The following GRM3 variants were observed in gnomAD, a reference collection of about 807,000 sequenced individuals.
The protein encoded by GRM3 is glutamate metabotropic receptor 3.
Under a neutral mutation model 70.5 loss-of-function variants are expected in GRM3, and 26 were observed. That is an observed-to-expected ratio of 0.37 (90% CI 0.27 to 0.51). The LOEUF (loss-of-function observed/expected upper bound fraction) is 0.51, where lower values mean the gene tolerates loss of function less well. GRM3 is among the 20% of genes least tolerant of loss of function. The pLI, the probability that GRM3 is intolerant of heterozygous loss-of-function variation, is 0.93. For missense variants in GRM3, 859 were observed against 1,123.8 expected (o/e 0.76, Z 3.37); for synonymous variants, 443 against 434.9 (o/e 1.02, Z -0.23).
intron 3 of GRM3, among the ~76,000 whole-genome samples, chr7:86,832,762 T>C (rs1584270442): frequency 6.6e-6 from 1 of 152,144 alleles, no homozygotes; most frequent in East Asian, 1.9e-4. Flanking sequence ...CTCTACCAAA[T>C]GATTCCTAGG....
At chr7:86,690,192 G>T (rs1056466778) in intron 1 of GRM3, among the ~76,000 whole-genome samples, 3 of 152,136 alleles carry the variant, frequency 2.0e-5, no homozygotes, top group Admixed American at 6.6e-5. Flanking sequence ...CAAGTAGAGG[G>T]ATCAGGCCTG....
intron 1 of GRM3, among the ~76,000 whole-genome samples, chr7:86,646,016 T>A (rs1045281767): frequency 1.2e-3 from 12 of 9,892 alleles, no homozygotes; most frequent in South Asian, 4.8e-3. Flanking sequence ...TGGGGGGGGG[T>A]GGGAGGGAGT....
intron 4 of GRM3, among the ~76,000 whole-genome samples, chr7:86,846,923 G>A (rs1225951741): frequency 6.6e-6 from 1 of 152,132 alleles, no homozygotes. Context: ...CAACAAGTTA[G>A]CCTACCACAG....
At chr7:86,757,777 G>A (rs1796383183) in intron 1 of GRM3, among the ~76,000 whole-genome samples, 1 of 151,034 alleles carries the variant, frequency 6.6e-6, no homozygotes, top group Non-Finnish European at 1.5e-5. Context: ...TCCCTCATGT[G>A]TTTTTTTTTC....
intron 1 of GRM3, among the ~76,000 whole-genome samples, chr7:86,736,404 A>G (rs1293831811): frequency 6.6e-6 from 1 of 152,240 alleles, no homozygotes; most frequent in African/African-American, 2.4e-5. Context: ...ACATTTCTCT[A>G]TTGGTTTGTA....
rs1195050608 is a variant in GRM3, at chr7:86,646,031, G to C, written c.-141+1159G>C. 1.1e-4 allele frequency among the ~76,000 whole-genome samples: 16 copies of C among 141,348 alleles called. 1 individual carries two copies. The East Asian group carries it at 3.1e-3, about 28-fold the overall frequency. 92.7% of individuals were successfully genotyped at this position (141,348 alleles called of 152,430 possible). ...TGGGGGGGGGTGGGAGGGAGTTTAG[G>C]GGGTGGAGTCTGCTTTGGTTTATCT... On this transcript the variant is annotated intron_variant, in intron 1 of 5. Transcript: ENST00000361669.
intron 3 of GRM3, among the ~76,000 whole-genome samples, chr7:86,817,219 AC>A (rs1443639279): frequency 2.0e-5 from 3 of 151,926 alleles, no homozygotes; most frequent in African/African-American, 7.2e-5. Flanking sequence ...TCTCCAAGAA[AC>A]CTTAAATGCT....
intron 5 of GRM3, among the ~76,000 whole-genome samples, chr7:86,858,140 T>G (rs1467318328): frequency 1.3e-5 from 2 of 151,796 alleles, no homozygotes; most frequent in Non-Finnish European, 2.9e-5. Flanking sequence ...GTATTTTTAG[T>G]AGAGACGAGG....
chr7:86,795,258 A>T (rs552565262), intron 3 of GRM3, among the ~76,000 whole-genome samples: 12 of 110,154 alleles, frequency 1.1e-4, no homozygotes, highest in Non-Finnish European at 1.9e-4. Flanking sequence ...GTTAGTTTTT[A>T]TTTTATTTTA....
intron 5 of GRM3, among the ~76,000 whole-genome samples, chr7:86,855,497 C>T (rs1298819937): frequency 6.6e-6 from 1 of 152,058 alleles, no homozygotes; most frequent in Non-Finnish European, 1.5e-5. Context: ...CTTCGACTAC[C>T]CAATGATGCC....
At chr7:86,857,066 C>CAG (rs951418772) in intron 5 of GRM3, among the ~76,000 whole-genome samples, 1 of 151,810 alleles carries the variant, frequency 6.6e-6, no homozygotes, top group African/African-American at 2.4e-5. Flanking sequence ...CGCCTCAGCT[C>CAG]AGTTACAAAA....
rs1207404872 is a variant in GRM3, at chr7:86,793,182, C to T, written c.1324+6066C>T. Among the ~76,000 whole-genome samples the T allele has an allele frequency of 2.0e-5, 3 of 152,076 alleles. 1 individual carries two copies. The highest frequency in any genetic ancestry group is 7.2e-5 in the African/African-American group (3 of 41,396). ...TGGGTAGTCCAGCCTTGCCACCCTA[C>T]TCACCTCTGTGTCTGATTCATCCAA... On this transcript the variant is annotated intron_variant, in intron 3 of 5. Transcript: ENST00000361669.
intron 1 of GRM3, among the ~76,000 whole-genome samples, chr7:86,760,244 A>G (rs919972643): frequency 6.6e-6 from 1 of 152,138 alleles, no homozygotes; most frequent in Non-Finnish European, 1.5e-5. Context: ...TGAGCAAAGA[A>G]TGGATGAAAA....
intron 4 of GRM3, among the ~76,000 whole-genome samples, chr7:86,844,883 A>T (rs1017752000): frequency 6.6e-6 from 1 of 151,908 alleles, no homozygotes; most frequent in Admixed American, 6.6e-5. Flanking sequence ...ACATTCCTTG[A>T]GTCCTGATTT....
rs116373215 is a variant in GRM3 at position 86,796,805 on chromosome 7, G to A, written c.1324+9689G>A. On this transcript the variant is annotated intron_variant, in intron 3 of 5. Transcript: ENST00000361669. ...CACCCAAATCTCATCTTAAATTATA[G>A]CTCTATAATTCTCACATGTCATGGA... Among the ~76,000 whole-genome samples, 1,426 of 152,190 alleles carry A rather than the reference G, an allele frequency of 9.4e-3. 25 individuals are homozygous for A. The highest frequency in any genetic ancestry group is 0.032 in the African/African-American group (1,312 of 41,502).
At chr7:86,859,238 A>G (rs1240621959) in intron 5 of GRM3, among the ~76,000 whole-genome samples, 1 of 152,202 alleles carries the variant, frequency 6.6e-6, no homozygotes, top group Non-Finnish European at 1.5e-5. Flanking sequence ...CAGAGATTTC[A>G]GGCCCAACCC....
intron 1 of GRM3, among the ~76,000 whole-genome samples, chr7:86,749,250 G>GGGT (rs1796174451): frequency 6.6e-6 from 1 of 151,980 alleles, no homozygotes; most frequent in Admixed American, 6.6e-5. Flanking sequence ...ACCATCCTTT[G>GGGT]GGTGACATCT....
intron 5 of GRM3, among the ~76,000 whole-genome samples, chr7:86,857,918 T>TTTTTATTTTATTTTATTTTATTTTA (rs375923210): frequency 1.1e-4 from 16 of 142,696 alleles, no homozygotes; most frequent in African/African-American, 4.2e-4. Flanking sequence ...AGAGAGTAAA[T>TTTTTATTTTATTTTATTTTATTTTA]TTTTATTTTA....
intron 2 of GRM3, among the ~76,000 whole-genome samples, chr7:86,785,270 A>G (rs1170638028): frequency 1.3e-5 from 2 of 152,202 alleles, no homozygotes; most frequent in East Asian, 3.8e-4. Context: ...TTTAAAAGCT[A>G]ATTATTCAGT....
Sources: gnomAD v4.1 joint callset for allele counts (sites outside exome capture counted in the v4.1 genomes callset) on GRCh38, gnomAD v4.1.1 for gene constraint, MANE v1.5 for transcripts, NCBI Gene and HGNC (gene_info 2026-07-23, HGNC 2026-07-21) for gene names.